SPAG17: variants seen among roughly 807,000 people sequenced by gnomAD.
SPAG17 encodes sperm associated antigen 17.
SPAG17 carries 169 observed loss-of-function variants against 273.6 expected under a neutral mutation model. That is an observed-to-expected ratio of 0.62 (90% confidence interval 0.55 to 0.70). The LOEUF is 0.70. SPAG17 is among the 30% of genes least tolerant of loss of function. The pLI is 0.00. For synonymous variants in SPAG17, 825 were observed against 873.2 expected (o/e 0.94, Z 0.97); for missense variants, 2,557 against 2,627.8 (o/e 0.97, Z 0.59).
At chr1:118,009,365 G>T (rs978936179) in intron 30 of SPAG17, among the ~76,000 whole-genome samples, 3 of 151,286 alleles carry the variant, frequency 2.0e-5, no homozygotes, top group Non-Finnish European at 4.4e-5. Flanking sequence ...ATATCATTTT[G>T]TACATCTTAA....
chr1:118,089,355 G>GTGTGTGTGTGTGTGTGTGT (rs10527094), intron 10 of SPAG17, among the ~76,000 whole-genome samples: 8 of 137,924 alleles, frequency 5.8e-5, no homozygotes, highest in South Asian at 2.6e-4. Flanking sequence ...GTGTGTGTGT[G>GTGTGTGTGTGTGTGTGTGT]GTGGCAGGTA....
chr1:118,098,267 T>C (rs920122965), intron 6 of SPAG17, among the ~76,000 whole-genome samples: 1 of 152,166 alleles, frequency 6.6e-6, no homozygotes, highest in Non-Finnish European at 1.5e-5. Flanking sequence ...TTCTCCTTCT[T>C]ATATTGCTGA....
chr1:118,132,481 C>G (rs937250308), intron 3 of SPAG17, among the ~76,000 whole-genome samples: 10 of 152,176 alleles, frequency 6.6e-5, no homozygotes, highest in Non-Finnish European at 1.5e-4. Context: ...TATTTATCTT[C>G]ATATGAGCAA....
chr1:118,066,839 T>G lies in SPAG17; in HGVS notation c.2446A>C (p.Asn816His). The change falls in exon 18 of 49, where the codon AAC (asparagine) becomes CAC (histidine). Residue 816 changes from asparagine (N) to histidine (H), a missense_variant. Transcript: ENST00000336338. ...TTGTGAAAGACTAAAAGTAAAGAGT[T>G]GTCTTGGGTGTGGTAGTAAGAATCA... ...CVDSYYHTQD[N>H]SLLLVFHNPM... 1 of 1,613,942 alleles carries G rather than the reference T, an allele frequency of 6.2e-7. No homozygotes were observed. Among genetic ancestry groups the G allele is most frequent in the Non-Finnish European group, 8.5e-7 (1 of 1,179,876 alleles).
rs10923496 is a variant in SPAG17 at position 118,119,679 on chromosome 1, A to C, written c.316-4238T>G. ...AATCCATAAGCTAGAGCTTGACTCAATTTAGGCTAGCACAAGGCTGGGCAA... is the reference window on the plus strand; with the variant it reads ...AATCCATAAGCTAGAGCTTGACTCACTTTAGGCTAGCACAAGGCTGGGCAA... On this transcript the variant is annotated intron_variant, in intron 3 of 48. Transcript: ENST00000336338. Among the ~76,000 whole-genome samples, 2,286 of 152,320 alleles carry C rather than the reference A, an allele frequency of 0.015. 137 individuals are homozygous for C. The East Asian group carries it at 0.21, about 14-fold the overall frequency.
intron 1 of SPAG17, among the ~76,000 whole-genome samples, chr1:118,182,563 A>T (rs1481920084): frequency 3.3e-5 from 5 of 152,210 alleles, no homozygotes; most frequent in African/African-American, 9.7e-5. Context: ...TATTTCACTC[A>T]TATCAGTAAG....
intron 2 of SPAG17, among the ~76,000 whole-genome samples, 154 bp from the exon 3 acceptor site, chr1:118,150,783 T>TC (rs1280482152): frequency 6.6e-6 from 1 of 152,200 alleles, no homozygotes; most frequent in Non-Finnish European, 1.5e-5. Flanking sequence ...TATAGTTACT[T>TC]CGTAAGCTGT....
Position 118,066,789 on chromosome 1 carries a change from A to G in SPAG17, c.2496T>C (p.His832=), listed in dbSNP as rs780433276. ...FHNPMNRQRL[H]CEYWNIALHS... is the part of the protein sequence containing the mutation. ...GGAGAGCAATGTTCCAATATTCACA[A>G]TGCAAACGTTGTCTATTCATTGGAT... Residue 832 remains histidine (H), a synonymous_variant, in exon 18 of 49, where the codon CAT becomes CAC. Transcript: ENST00000336338. 111 of 1,613,496 alleles carry G rather than the reference A, an allele frequency of 6.9e-5. No individual in the cohort carries two copies. Among genetic ancestry groups the G allele is most frequent in the Non-Finnish European group, 9.1e-5 (107 of 1,179,792 alleles).
chr1:117,955,267 A>G, intron 48 of SPAG17: 1 of 1,539,474 alleles, frequency 6.5e-7, no homozygotes, highest in Non-Finnish European at 8.9e-7. Flanking sequence ...GAACTTTAGT[A>G]GAAACCAACC....
chr1:118,185,088 C>G lies in SPAG17; in HGVS notation c.70G>C (p.Ala24Pro), dbSNP rs767135553. The G allele has an allele frequency of 3.3e-5, 54 of 1,614,184 alleles. No individual in the cohort carries two copies. Among genetic ancestry groups the G allele is most frequent in the Non-Finnish European group, 4.5e-5 (53 of 1,179,986 alleles). ...SSKIWEPSLI[A>P]AQFNQNDWQA... The stretch of plus-strand genomic sequence containing the variant: ...AGGCTCACCTGATTGAACTGTGCAG[C>G]TATGAGCGAGGGTTCCCATATCTTA... The change falls in exon 1 of 49, where the codon GCT (alanine) becomes CCT (proline). Residue 24 changes from alanine to proline, a missense_variant. Ala to Pro is a conservative substitution (Grantham distance 27). Coordinates refer to ENST00000336338, the MANE Select transcript of SPAG17 (RefSeq NM_206996.4).
rs746899845 is a variant in SPAG17 at position 118,091,969 on chromosome 1, T to C, written c.1207A>G (p.Lys403Glu). 1.2e-6 allele frequency: 2 copies of C among 1,613,658 alleles called. No individual in the cohort carries two copies. The highest frequency in any genetic ancestry group is 1.1e-5 in the South Asian group (1 of 91,080). The change falls in exon 9 of 49, where the codon AAG (lysine) becomes GAG (glutamate). Residue 403 changes from lysine (K) to glutamate (E), a missense_variant. Physicochemically the swap from Lys to Glu is moderately conservative, Grantham distance 56. Transcript: ENST00000336338. ...TGCGGTTCTTCATACTGTGCTTTCT[T>C]CTTTCCAGGAGCTGGTACAGCAGGT... ...PQPAVPAPGK[K>E]KAQYEEPQAP...
At chr1:118,039,928 C>T (rs1003309670) in intron 22 of SPAG17, among the ~76,000 whole-genome samples, 3 of 152,014 alleles carry the variant, frequency 2.0e-5, no homozygotes, top group African/African-American at 7.2e-5. Flanking sequence ...TATTTGCAGG[C>T]CTTCTAGTCA....
intron 27 of SPAG17, 68 bp downstream of exon 27, chr1:118,025,170 T>G: frequency 6.9e-7 from 1 of 1,454,988 alleles, no homozygotes; most frequent in Non-Finnish European, 9.5e-7. Flanking sequence ...TATAGAACAG[T>G]TCCTTACCCA....
intron 3 of SPAG17, among the ~76,000 whole-genome samples, chr1:118,131,924 C>G (rs987442354): frequency 1.3e-5 from 2 of 152,216 alleles, no homozygotes; most frequent in Admixed American, 6.5e-5. Flanking sequence ...TAAGGATTCC[C>G]CTTGCCATTA....
chr1:117,987,680 C>G (rs958840867), intron 40 of SPAG17, among the ~76,000 whole-genome samples, 154 bp downstream of exon 40: 12 of 152,196 alleles, frequency 7.9e-5, no homozygotes, highest in African/African-American at 2.4e-5. Flanking sequence ...ACAGTGATGT[C>G]ATCACACAGA....
rs748296958 is a variant in SPAG17, at chr1:117,963,843, A to T, written c.6628T>A (p.Ser2210Thr). 1 of 1,613,828 alleles carries T rather than the reference A, an allele frequency of 6.2e-7. No homozygotes were observed. The highest frequency in any genetic ancestry group is 8.5e-7 in the Non-Finnish European group (1 of 1,179,780). The change falls in exon 48 of 49, where the codon TCC becomes ACC. Residue 2210 changes from serine (S) to threonine (T), a missense_variant. Coordinates refer to ENST00000336338, the MANE Select transcript of SPAG17 (RefSeq NM_206996.4). ...CGAGACATGAAGACTCCAAGTGTGGAGGAATAAATTGTAGAAGTTCTCTGG... is the reference window on the plus strand; with the variant it reads ...CGAGACATGAAGACTCCAAGTGTGGTGGAATAAATTGTAGAAGTTCTCTGG... ...MVQRTSTIYS[S>T]TLGVFMSRKV...
chr1:118,089,855 G>A (rs147577871), intron 10 of SPAG17, among the ~76,000 whole-genome samples: 230 of 152,220 alleles, frequency 1.5e-3, no homozygotes, highest in African/African-American at 4.6e-3. Context: ...GGGAGGTGAT[G>A]GGAGAATGAG....
chr1:117,983,733 T>A, intron 42 of SPAG17, 78 bp downstream of exon 42: 1 of 895,660 alleles, frequency 1.1e-6, no homozygotes. Context: ...TATCACTGGT[T>A]ATGTCCTAAG....
intron 3 of SPAG17, among the ~76,000 whole-genome samples, chr1:118,126,950 C>T (rs1657770212): frequency 1.3e-5 from 2 of 152,166 alleles, no homozygotes; most frequent in Admixed American, 1.3e-4. Flanking sequence ...AGTTTCCTTT[C>T]CCTATTGTAT....
Sources: gnomAD v4.1 joint callset for allele counts (sites outside exome capture counted in the v4.1 genomes callset) on GRCh38, gnomAD v4.1.1 for gene constraint, MANE v1.5 for transcripts, NCBI Gene and HGNC (gene_info 2026-07-23, HGNC 2026-07-21) for gene names.